The following FSD1L variants were observed in gnomAD, a reference collection of about 807,000 sequenced individuals.
FSD1L encodes the protein FSD1-like protein.
Under a neutral mutation model 71.6 loss-of-function variants are expected in FSD1L, and 45 were observed. That is an observed-to-expected ratio of 0.63 (90% CI 0.49 to 0.81). The LOEUF (loss-of-function observed/expected upper bound fraction) is 0.81, where lower values mean the gene tolerates loss of function less well. Among genes scored for constraint, FSD1L ranks in the 30% least tolerant of loss-of-function variants. The pLI is 0.00. For synonymous variants in FSD1L, 197 were observed against 207.2 expected (o/e 0.95, Z 0.42); for missense variants, 561 against 618.1 (o/e 0.91, Z 0.98).
upstream of FSD1L, among the ~76,000 whole-genome samples, chr9:105,446,575 T>C (rs148806497): frequency 9.3e-3 from 1,410 of 152,230 alleles, 22 homozygotes; most frequent in African/African-American, 0.033. Flanking sequence ...TTTGCCATGT[T>C]GCCCAGGCTG....
chr9:105,542,416 T>G (rs1836686908), intron 13 of FSD1L, among the ~76,000 whole-genome samples: 1 of 152,178 alleles, frequency 6.6e-6, no homozygotes, highest in African/African-American at 2.4e-5. Flanking sequence ...TTAAAATTAT[T>G]TGCTTACTTT....
At chr9:105,514,730 A>G (rs1276443215) in intron 10 of FSD1L, among the ~76,000 whole-genome samples, 2 of 152,160 alleles carry the variant, frequency 1.3e-5, no homozygotes, top group Non-Finnish European at 2.9e-5. Context: ...CCCAGTGTTC[A>G]ATTTTTCCCA....
intron 9 of FSD1L, 63 bp downstream of exon 9, chr9:105,508,778 T>G: frequency 1.0e-6 from 1 of 985,102 alleles, no homozygotes; most frequent in Non-Finnish European, 1.5e-6. Flanking sequence ...TATTCATAAC[T>G]TTGTAACAGG....
chr9:105,498,382 G>A lies in FSD1L; in HGVS notation c.587-8017G>A, dbSNP rs555180373. On this transcript the variant is annotated intron_variant, in intron 7 of 13. Coordinates refer to ENST00000481272, the MANE Select transcript of FSD1L (RefSeq NM_001145313.3). Reference sequence around the variant, plus strand: ...CATAGAGTGTATTTACACAAACCAAGATGGTATAGTCTCCTACACATCTAG... The same window carrying A: ...CATAGAGTGTATTTACACAAACCAAAATGGTATAGTCTCCTACACATCTAG... Among the ~76,000 whole-genome samples, 33 of 151,938 alleles carry A rather than the reference G, an allele frequency of 2.2e-4. 1 individual carries two copies. Among genetic ancestry groups the A allele is most frequent in the Non-Finnish European group, 4.0e-4 (27 of 68,018 alleles).
intron 1 of FSD1L, among the ~76,000 whole-genome samples, chr9:105,453,296 CTT>C (rs1299520134): frequency 6.6e-6 from 1 of 151,930 alleles, no homozygotes; most frequent in Non-Finnish European, 1.5e-5. Context: ...ATTCTTGTGT[CTT>C]CGCCTCCCTC....
chr9:105,451,246 A>C (rs890973949), intron 1 of FSD1L, among the ~76,000 whole-genome samples: 2 of 152,246 alleles, frequency 1.3e-5, no homozygotes, highest in Non-Finnish European at 2.9e-5. Context: ...GGCGTGGGCC[A>C]CCGCGCCCGG....
intron 13 of FSD1L, among the ~76,000 whole-genome samples, chr9:105,543,799 A>G (rs932755498): frequency 6.6e-6 from 1 of 152,180 alleles, no homozygotes; most frequent in African/African-American, 2.4e-5. Context: ...TCCCTGGTGT[A>G]TATGTGCCAC....
Position 105,454,831 on chromosome 9 carries a change from T to C in FSD1L, c.15+6596T>C, listed in dbSNP as rs375126556. Among the ~76,000 whole-genome samples the C allele has an allele frequency of 3.3e-5, 5 of 152,348 alleles. No homozygotes were observed. In the East Asian group the frequency reaches 5.8e-4, roughly 18 times the overall value. On this transcript the variant is annotated intron_variant, in intron 1 of 13. Transcript: ENST00000481272. ...GTTCTTTTACTAGCATTTAGACTTT[T>C]TCTCAGCTGGTAAGCTAGACAATCA...
chr9:105,530,783 C>T, intron 10 of FSD1L: 2 of 518,522 alleles, frequency 3.9e-6, no homozygotes, highest in Non-Finnish European at 6.8e-6. Flanking sequence ...TGATTTATTA[C>T]AAAATGCCAA....
At chr9:105,471,610 T>C (rs1259550197) in intron 4 of FSD1L, among the ~76,000 whole-genome samples, 9 of 151,886 alleles carry the variant, frequency 5.9e-5, no homozygotes, top group African/African-American at 2.2e-4. Context: ...TTTTAAATGA[T>C]GAGTGTATCT....
chr9:105,475,003 A>G (rs1405319782), intron 5 of FSD1L, among the ~76,000 whole-genome samples: 2 of 152,260 alleles, frequency 1.3e-5, no homozygotes, highest in African/African-American at 2.4e-5. Context: ...AATGGGATCC[A>G]GATCATTAGC....
At chr9:105,471,727 TATATA>T (rs1831482169) in intron 4 of FSD1L, among the ~76,000 whole-genome samples, 172 bp from the exon 5 acceptor site, 1 of 115,918 alleles carries the variant, frequency 8.6e-6, no homozygotes, top group African/African-American at 4.4e-5. Context: ...ACACGTTTTA[TATATA>T]TATATATATA....
chr9:105,487,590 C>A (rs1051578389), intron 7 of FSD1L, among the ~76,000 whole-genome samples: 4 of 151,956 alleles, frequency 2.6e-5, no homozygotes, highest in African/African-American at 9.7e-5. Flanking sequence ...GATTGTTAGT[C>A]TTTTTATTAA....
intron 7 of FSD1L, among the ~76,000 whole-genome samples, chr9:105,485,140 A>G (rs978980940): frequency 2.6e-5 from 4 of 152,186 alleles, no homozygotes; most frequent in Non-Finnish European, 5.9e-5. Flanking sequence ...TTAAGAACCA[A>G]TCTTAGTCTG....
At chr9:105,488,902 T>C (rs1832731977) in intron 7 of FSD1L, among the ~76,000 whole-genome samples, 1 of 151,758 alleles carries the variant, frequency 6.6e-6, no homozygotes, top group African/African-American at 2.4e-5. Context: ...TAAGTACTGA[T>C]ACTGCTAACA....
rs550652063 is a variant in FSD1L at position 105,512,865 on chromosome 9, A to T, written c.954A>T (p.Thr318=). 3.9e-6 allele frequency: 6 copies of T among 1,542,644 alleles called. No individual in the cohort carries two copies. The highest frequency in any genetic ancestry group is 5.3e-6 in the Non-Finnish European group (6 of 1,142,066). ...ATTTGAACCTGAAAGTTGAAGATAC[A>T]TGTGTAGAGTGGGATCCTACTGGAG... ...SSHLNLKVED[T]CVEWDPTGGK... Residue 318 remains threonine (T), a synonymous_variant, in exon 10 of 14, where the codon ACA becomes ACT. Coordinates refer to ENST00000481272, the MANE Select transcript of FSD1L (RefSeq NM_001145313.3).
chr9:105,489,850 C>G (rs1035386788), intron 7 of FSD1L, among the ~76,000 whole-genome samples: 8 of 152,174 alleles, frequency 5.3e-5, no homozygotes, highest in African/African-American at 1.9e-4. Context: ...ATTTTTATGG[C>G]TGCGTAGTAT....
chr9:105,468,546 C>G (rs573710913), intron 4 of FSD1L, among the ~76,000 whole-genome samples: 60 of 151,434 alleles, frequency 4.0e-4, no homozygotes, highest in Non-Finnish European at 8.0e-4. Context: ...ACTCTGTCAC[C>G]CAGGCTGGAG....
chr9:105,508,753 C>A, intron 9 of FSD1L, 38 bp downstream of exon 9: 1 of 1,207,888 alleles, frequency 8.3e-7, no homozygotes, highest in Non-Finnish European at 1.2e-6. Flanking sequence ...TAAAACAAAG[C>A]TTAACATCTG....
Sources: gnomAD v4.1 joint callset for allele counts (sites outside exome capture counted in the v4.1 genomes callset) on GRCh38, gnomAD v4.1.1 for gene constraint, MANE v1.5 for transcripts, NCBI Gene and HGNC (gene_info 2026-07-23, HGNC 2026-07-21) for gene names.